The following CELF3 variants were observed in gnomAD, a reference collection of about 807,000 sequenced individuals.
The protein encoded by CELF3 is CUGBP Elav-like family member 3.
CELF3 carries 26 observed loss-of-function variants against 59.6 expected under a neutral mutation model. The observed-to-expected ratio is 0.44, with a 90% CI of 0.32 to 0.61. CELF3 has a LOEUF of 0.61. CELF3 is among the 20% of genes least tolerant of loss of function. CELF3 has a pLI of 0.06. For missense variants in CELF3, 387 were observed against 627.2 expected, an observed-to-expected ratio of 0.62 and a Z score of 4.09; for synonymous variants, 245 against 250.7, an observed-to-expected ratio of 0.98 and a Z score of 0.22.
intron 2 of CELF3, chr1:151,710,530 G>T: frequency 2.6e-6 from 1 of 389,930 alleles, no homozygotes; most frequent in Non-Finnish European, 5.2e-6. Context: ...GCTGGGAGGT[G>T]GGGGAGGGGC....
rs1177061129 is a variant in CELF3 at position 151,716,484 on chromosome 1, A to AG, written c.-465dup. 1 of 306,072 alleles carries AG rather than the reference A, an allele frequency of 3.3e-6. No individual in the cohort carries two copies. The highest frequency in any genetic ancestry group is 6.5e-6 in the Non-Finnish European group (1 of 153,512). 19.0% of individuals were successfully genotyped at this position (306,072 alleles called of 1,614,324 possible). On this transcript the variant is annotated 5_prime_UTR_variant, in exon 1 of 13. Transcript: ENST00000290583. ...GCTATGGTTGCCAGCAGCGTCAGTA[A>AG]GGGGGGCCCACTCCTGATGTGGGGC...
rs1179798664 is a variant in CELF3, at chr1:151,703,327, G to C, written c.*132C>G. The C allele has an allele frequency of 4.4e-6, 2 of 452,210 alleles. No homozygotes were observed. Among genetic ancestry groups the C allele is most frequent in the East Asian group, 1.4e-4 (2 of 14,310 alleles). 28.0% of individuals were successfully genotyped at this position (452,210 alleles called of 1,614,324 possible). On this transcript the variant is annotated 3_prime_UTR_variant, in exon 13 of 13. Transcript: ENST00000290583. ...GGAGGGGCCGGTGTCTTGTGCCCCC[G>C]GGGGCCACGAAGCAGCGTTTGCCCC...
rs927873786 is a variant in CELF3, at chr1:151,705,706, C to T, written c.1270+116G>A. 4.2e-6 allele frequency: 5 copies of T among 1,196,888 alleles called. No individual in the cohort carries two copies. Among genetic ancestry groups the T allele is most frequent in the Non-Finnish European group, 4.7e-6 (4 of 842,678 alleles). The allele number at this position is 1,196,888 out of a possible 1,614,324, so 74.1% of individuals were successfully genotyped here. ...TGTGTCAAAATGGCTCTTTTGTACTCTTGGATAATCAGTATTTCAAATACT... is the reference window on the plus strand; with the variant it reads ...TGTGTCAAAATGGCTCTTTTGTACTTTTGGATAATCAGTATTTCAAATACT... On this transcript the variant is annotated intron_variant, in intron 11 of 12. Coordinates refer to ENST00000290583, the MANE Select transcript of CELF3 (RefSeq NM_007185.7). This position sits in a 1 kb window ranked among gnomAD's most constrained non-coding sequence, Gnocchi z 5.1.
Position 151,701,474 on chromosome 1 carries a change from C to G in CELF3, c.*1985G>C, listed in dbSNP as rs953015580. On this transcript the variant is annotated 3_prime_UTR_variant, in exon 13 of 13. Transcript: ENST00000290583. ...TTGCTACTTCTTGGGATCTTTGCCT[C>G]AGGTCAAAGAACAGGTAAGAAGAGA... Among the ~76,000 whole-genome samples the G allele has an allele frequency of 1.3e-5, 2 of 152,100 alleles. No homozygotes were observed. Among genetic ancestry groups the G allele is most frequent in the African/African-American group, 4.8e-5 (2 of 41,400 alleles).
At chr1:151,712,850 A>G (rs77186618) in intron 2 of CELF3, among the ~76,000 whole-genome samples, 5,011 of 152,166 alleles carry the variant, frequency 0.033, 267 homozygotes, top group African/African-American at 0.11. Flanking sequence ...TGGAGATTAA[A>G]CAGTAGGAAG....
In CELF3 at chr1:151,700,554, A is replaced by G. The variant is rs1672009236; in HGVS notation, c.*2905T>C. 6.6e-6 allele frequency among the ~76,000 whole-genome samples: 1 copy of G among 152,174 alleles called. No individual in the cohort carries two copies. The highest frequency in any genetic ancestry group is 2.4e-5 in the African/African-American group (1 of 41,460). On this transcript the variant is annotated 3_prime_UTR_variant, in exon 13 of 13. Transcript: ENST00000290583. ...GCTGAGGTGTTCTATGAAAAACAACAAAAAACAGCAGCAGAGAAGTTTTGT... is the reference window on the plus strand; with the variant it reads ...GCTGAGGTGTTCTATGAAAAACAACGAAAAACAGCAGCAGAGAAGTTTTGT...
chr1:151,708,274 G>C lies in CELF3; in HGVS notation c.487-339C>G. 3 of 275,354 alleles carry C rather than the reference G, an allele frequency of 1.1e-5. No individual in the cohort carries two copies. In the South Asian group the frequency reaches 2.4e-4, roughly 22 times the overall value. 17.1% of individuals were successfully genotyped at this position (275,354 alleles called of 1,614,324 possible). ...TTGCCACAGCAAATGTTTAATCTCA[G>C]GCTAGTCTTCCCTTGTAGCTGCCCT... On this transcript the variant is annotated intron_variant, in intron 5 of 12. Coordinates refer to ENST00000290583, the MANE Select transcript of CELF3 (RefSeq NM_007185.7).
At chr1:151,710,507 G>A (rs1429661957) in intron 2 of CELF3, 2 of 355,596 alleles carry the variant, frequency 5.6e-6, no homozygotes, top group Admixed American at 6.7e-5. Flanking sequence ...TGGGGGTGGA[G>A]GATTTGGTGG....
At chr1:151,703,871 C>G (rs906929881) in intron 12 of CELF3, among the ~76,000 whole-genome samples, 1 of 152,124 alleles carries the variant, frequency 6.6e-6, no homozygotes, top group Non-Finnish European at 1.5e-5. Flanking sequence ...GCCCAGGTCA[C>G]GGCTCAGGGA....
chr1:151,703,492 C>T (rs918305870), intron 12 of CELF3, 44 bp from the exon 13 acceptor site: 13 of 293,468 alleles, frequency 4.4e-5, no homozygotes, highest in Non-Finnish European at 9.0e-5. Flanking sequence ...AAGAGACCCC[C>T]GATGCGGATC....
chr1:151,707,609 C>A lies in CELF3; in HGVS notation c.670G>T (p.Ala224Ser). The change falls in exon 7 of 13, where the codon GCC becomes TCC. Residue 224 changes from alanine to serine, a missense_variant. Ala to Ser is a moderately conservative substitution (Grantham distance 99). Coordinates refer to ENST00000290583, the MANE Select transcript of CELF3 (RefSeq NM_007185.7). ...QQAALVAAHS[A>S]YLSPMATMAA... ...ATGGTGGCCATGGGGCTGAGGTAGG[C>A]ACTGTGAGCCGCTACCAGGGCCGCC... 2 of 1,607,678 alleles carry A rather than the reference C, an allele frequency of 1.2e-6. No individual in the cohort carries two copies. Among genetic ancestry groups the A allele is most frequent in the Non-Finnish European group, 1.7e-6 (2 of 1,178,060 alleles).
chr1:151,714,135 C>A (rs895054971), intron 2 of CELF3, among the ~76,000 whole-genome samples: 11 of 152,320 alleles, frequency 7.2e-5, no homozygotes, highest in Middle Eastern at 3.4e-3. Context: ...AGAACCAGCA[C>A]CGAGATGCCA....
chr1:151,700,310 AGT>A lies in CELF3; in HGVS notation c.*3147_*3148del, dbSNP rs1022174687. On this transcript the variant is annotated 3_prime_UTR_variant, in exon 13 of 13. Coordinates refer to ENST00000290583, the MANE Select transcript of CELF3 (RefSeq NM_007185.7). ...CCGTTAAGATTTTCATGAAGAAAGT[AGT>A]GTTTAAGGTGAACTGTTTTAGTGTG... Among the ~76,000 whole-genome samples, 1 of 152,202 alleles carries A rather than the reference AGT, an allele frequency of 6.6e-6. No homozygotes were observed. Among genetic ancestry groups the A allele is most frequent in the African/African-American group, 2.4e-5 (1 of 41,452 alleles).
At chr1:151,710,792 T>A (rs1466350562) in intron 2 of CELF3, 1 of 456,392 alleles carries the variant, frequency 2.2e-6, no homozygotes, top group African/African-American at 2.0e-5. Context: ...AATTCCTAGT[T>A]CCACTCTCCA....
rs2102764229 is a variant in CELF3 at position 151,702,494 on chromosome 1, G to C, written c.*965C>G. 6.6e-6 allele frequency: 1 copy of C among 152,204 alleles called. No homozygotes were observed. Among genetic ancestry groups the C allele is most frequent in the Admixed American group, 6.5e-5 (1 of 15,298 alleles). The allele number at this position is 152,204 out of a possible 1,614,324, so 9.4% of individuals were successfully genotyped here. Reference sequence around the variant, plus strand: ...ATAAATAAGTTAAGCATAGAGAACTGTCTGAAACTGACTCCCCGGTCTCCC... The same window carrying C: ...ATAAATAAGTTAAGCATAGAGAACTCTCTGAAACTGACTCCCCGGTCTCCC... On this transcript the variant is annotated 3_prime_UTR_variant, in exon 13 of 13. Coordinates refer to ENST00000290583, the MANE Select transcript of CELF3 (RefSeq NM_007185.7).
At chr1:151,708,729 G>T (rs1334557759) in intron 5 of CELF3, among the ~76,000 whole-genome samples, 2 of 151,934 alleles carry the variant, frequency 1.3e-5, no homozygotes, top group Admixed American at 6.6e-5. Flanking sequence ...AGAGACGGGG[G>T]TGAAGGGAGG....
chr1:151,705,187 A>G lies in CELF3; in HGVS notation c.1271-19T>C. On this transcript the variant is annotated intron_variant, in intron 11 of 12. Coordinates refer to ENST00000290583, the MANE Select transcript of CELF3 (RefSeq NM_007185.7). The surrounding 1 kb of genome is among the most constrained non-coding windows in gnomAD (Gnocchi z 5.1). ...ACAAAGCCTGGGGTGAGAGGGGCATAAGGCCCGGCCCAGCCCCACCTCGCT... is the reference window on the plus strand; with the variant it reads ...ACAAAGCCTGGGGTGAGAGGGGCATGAGGCCCGGCCCAGCCCCACCTCGCT... 6.2e-7 allele frequency: 1 copy of G among 1,606,938 alleles called. No individual in the cohort carries two copies. The highest frequency in any genetic ancestry group is 8.5e-7 in the Non-Finnish European group (1 of 1,175,102).
chr1:151,711,031 A>T lies in CELF3; in HGVS notation c.229-1240T>A, dbSNP rs1672980124. 4 of 364,258 alleles carry T rather than the reference A, an allele frequency of 1.1e-5. No homozygotes were observed. In the Admixed American group the frequency reaches 1.4e-4, roughly 13 times the overall value. The allele number at this position is 364,258 out of a possible 1,614,324, so 22.6% of individuals were successfully genotyped here. On this transcript the variant is annotated intron_variant, in intron 2 of 12. Coordinates refer to ENST00000290583, the MANE Select transcript of CELF3 (RefSeq NM_007185.7). The stretch of plus-strand genomic sequence containing the variant: ...CCAGAAAAATTAAACCTCAATTTAC[A>T]TTCTGAGGGTGAGGCTAGAGGTACC...
chr1:151,708,947 A>G, intron 5 of CELF3, 51 bp downstream of exon 5: 5 of 1,527,508 alleles, frequency 3.3e-6, no homozygotes, highest in Non-Finnish European at 4.5e-6. Context: ...AGGGCCTGGC[A>G]GGTGGGCAGG....
Sources: gnomAD v4.1 joint callset for allele counts (sites outside exome capture counted in the v4.1 genomes callset) on GRCh38, gnomAD v4.1.1 for gene constraint, Gnocchi (gnomAD v3.1) non-coding constraint, MANE v1.5 for transcripts, NCBI Gene and HGNC (gene_info 2026-07-23, HGNC 2026-07-21) for gene names.